Variants in IGF1 observed in about 807,000 individuals in gnomAD.
IGF1 encodes the protein insulin-like growth factor 1.
A neutral mutation model predicts 13.8 loss-of-function variants in IGF1; 4 were observed. That is an observed-to-expected ratio of 0.29 (90% CI 0.14 to 0.66). The LOEUF (loss-of-function observed/expected upper bound fraction) is 0.66, where lower values mean the gene tolerates loss of function less well. Ranked by LOEUF, IGF1 falls within the 30% of genes least tolerant of loss-of-function variation. The pLI, the probability that IGF1 is intolerant of heterozygous loss-of-function variation, is 0.78. For synonymous variants in IGF1, 76 were observed against 72.6 expected (o/e 1.05, Z -0.23); for missense variants, 124 against 188.5 (o/e 0.66, Z 2.00).
At chr12:102,439,785 T>C (rs1877553096) in intron 2 of IGF1, among the ~76,000 whole-genome samples, 1 of 150,806 alleles carries the variant, frequency 6.6e-6, no homozygotes, top group Non-Finnish European at 1.5e-5. Context: ...AAGAAAAGGC[T>C]AAGAAGTGAC....
chr12:102,441,096 C>T (rs1469898462), intron 2 of IGF1, among the ~76,000 whole-genome samples: 1 of 152,188 alleles, frequency 6.6e-6, no homozygotes, highest in Non-Finnish European at 1.5e-5. Context: ...CTTCACTGCA[C>T]TTTGGACAGG....
At chr12:102,479,189 A>G (rs893120313) in intron 1 of IGF1, among the ~76,000 whole-genome samples, 1 of 152,230 alleles carries the variant, frequency 6.6e-6, no homozygotes, top group Non-Finnish European at 1.5e-5. Flanking sequence ...GGTGGCCTGC[A>G]TGTGTTGGCA....
chr12:102,480,475 T>C lies in IGF1; in HGVS notation c.-94A>G, dbSNP rs1881336234. 3.8e-6 allele frequency: 6 copies of C among 1,594,984 alleles called. No homozygotes were observed. Among genetic ancestry groups the C allele is most frequent in the Non-Finnish European group, 5.1e-6 (6 of 1,171,126 alleles). The stretch of plus-strand genomic sequence containing the variant: ...GAGATGGGAGATGTTGAGAGCAATG[T>C]CACATTTCAATTTTGAGGACTTTAT... On this transcript the variant is annotated 5_prime_UTR_variant, in exon 1 of 4. The change abolishes the stop of an existing upstream ORF in the 5' untranslated region. Transcript: ENST00000337514.
At chr12:102,422,774 T>C (rs1875847169) in intron 2 of IGF1, among the ~76,000 whole-genome samples, 2 of 152,256 alleles carry the variant, frequency 1.3e-5, no homozygotes, top group Non-Finnish European at 2.9e-5. Context: ...ATGGAACTAA[T>C]TGTTTTATCT....
At chr12:102,432,491 A>C (rs1285791236) in intron 2 of IGF1, among the ~76,000 whole-genome samples, 1 of 152,230 alleles carries the variant, frequency 6.6e-6, no homozygotes, top group Non-Finnish European at 1.5e-5. Context: ...CATAAGGACC[A>C]GAGGAATTTA....
chr12:102,449,792 G>A (rs777908676), intron 2 of IGF1, among the ~76,000 whole-genome samples: 12 of 151,582 alleles, frequency 7.9e-5, no homozygotes, highest in Non-Finnish European at 1.0e-4. Flanking sequence ...ATAATTCGAT[G>A]GTTCTTCTAC....
At chr12:102,418,035 A>G (rs895022101) in intron 3 of IGF1, 2 of 1,602,612 alleles carry the variant, frequency 1.2e-6, no homozygotes, top group Admixed American at 1.8e-5. Context: ...TTGCATTGAG[A>G]ACAAGTGGTT....
intron 2 of IGF1, among the ~76,000 whole-genome samples, chr12:102,454,020 A>G (rs1365775704): frequency 6.6e-6 from 1 of 152,230 alleles, no homozygotes; most frequent in Non-Finnish European, 1.5e-5. Flanking sequence ...TCTTCAATAT[A>G]GATGTGCCAA....
intron 2 of IGF1, among the ~76,000 whole-genome samples, chr12:102,434,792 A>G (rs1392605966): frequency 6.6e-6 from 1 of 151,190 alleles, no homozygotes; most frequent in Non-Finnish European, 1.5e-5. Context: ...ATTTCTCCAC[A>G]TCCTCTCCAG....
At chr12:102,478,323 A>G (rs1343266397) in intron 1 of IGF1, among the ~76,000 whole-genome samples, 1 of 152,098 alleles carries the variant, frequency 6.6e-6, no homozygotes, top group African/African-American at 2.4e-5. Context: ...AAAAGAAAAA[A>G]AAATCAGAAA....
chr12:102,460,985 T>C (rs1213826777), intron 2 of IGF1, among the ~76,000 whole-genome samples: 1 of 152,130 alleles, frequency 6.6e-6, no homozygotes, highest in Admixed American at 6.5e-5. Flanking sequence ...ATTTCAAAGG[T>C]GGAATGTCTT....
intron 2 of IGF1, among the ~76,000 whole-genome samples, chr12:102,435,958 A>G (rs1197766743): frequency 6.6e-6 from 1 of 152,194 alleles, no homozygotes; most frequent in Non-Finnish European, 1.5e-5. Context: ...TATATAATAT[A>G]CGATCACGTC....
In IGF1 at chr12:102,398,130, A is replaced by G. The variant is rs1873381363; in HGVS notation, c.*4377T>C. 6.6e-6 allele frequency: 1 copy of G among 152,118 alleles called. No individual in the cohort carries two copies. The highest frequency in any genetic ancestry group is 2.1e-4 in the South Asian group (1 of 4,826). 9.4% of individuals were successfully genotyped at this position (152,118 alleles called of 1,614,324 possible). A position where few individuals can be genotyped will look rare whatever the true frequency, so the allele number is the denominator to read the frequency against. Reference sequence around the variant, plus strand: ...AAAACAAGAAACAAAAAATCTTCACAGATTGTTAGCCATCTCTTTCAACAA... The same window carrying G: ...AAAACAAGAAACAAAAAATCTTCACGGATTGTTAGCCATCTCTTTCAACAA... On this transcript the variant is annotated 3_prime_UTR_variant, in exon 4 of 4. Transcript: ENST00000337514.
At chr12:102,448,670 C>A in intron 2 of IGF1, among the ~76,000 whole-genome samples, 2 of 124,436 alleles carry the variant, frequency 1.6e-5, no homozygotes, top group African/African-American at 3.0e-5. Context: ...GCACATGTAC[C>A]CTAAAACTTA....
At chr12:102,432,455 T>A (rs1876820385) in intron 2 of IGF1, among the ~76,000 whole-genome samples, 1 of 152,216 alleles carries the variant, frequency 6.6e-6, no homozygotes, top group African/African-American at 2.4e-5. Context: ...CAGACAATCC[T>A]ATTTTGATGA....
At chr12:102,443,398 C>A (rs1420192473) in intron 2 of IGF1, among the ~76,000 whole-genome samples, 1 of 152,050 alleles carries the variant, frequency 6.6e-6, no homozygotes, top group African/African-American at 2.4e-5. Context: ...CCATCTTGGC[C>A]CCTGCAGATG....
chr12:102,404,917 A>G (rs1222897433), intron 3 of IGF1, among the ~76,000 whole-genome samples: 1 of 147,458 alleles, frequency 6.8e-6, no homozygotes, highest in Non-Finnish European at 1.5e-5. Flanking sequence ...GCCACCATGC[A>G]TGGCTAATTT....
chr12:102,419,261 A>G (rs1875452993), intron 3 of IGF1, among the ~76,000 whole-genome samples: 1 of 152,196 alleles, frequency 6.6e-6, no homozygotes, highest in Non-Finnish European at 1.5e-5. Context: ...TCTGACACCA[A>G]AGCCCATGTT....
chr12:102,416,447 C>T (rs1341457393), intron 3 of IGF1, among the ~76,000 whole-genome samples: 1 of 152,226 alleles, frequency 6.6e-6, no homozygotes, highest in Non-Finnish European at 1.5e-5. Context: ...CTCTCATTCT[C>T]TCCCTTCATT....
Sources: allele counts gnomAD v4.1 joint callset (sites outside exome capture counted in the v4.1 genomes callset), GRCh38; gene constraint gnomAD v4.1.1; transcripts MANE v1.5; gene names NCBI Gene and HGNC (gene_info 2026-07-23, HGNC 2026-07-21).